REV1: variants seen among roughly 807,000 people sequenced by gnomAD.
REV1 encodes REV1 DNA directed polymerase.
A neutral mutation model predicts 137.4 loss-of-function variants in REV1; 42 were observed. The ratio of observed to expected loss-of-function variants is 0.31; its 90% CI spans 0.24 to 0.40. The LOEUF (loss-of-function observed/expected upper bound fraction) is 0.40. Among genes scored for constraint, REV1 ranks in the 10% least tolerant of loss-of-function variants. REV1 has a pLI of 1.00. For synonymous variants in REV1, 524 were observed against 519.2 expected, an observed-to-expected ratio of 1.01 and a Z score of -0.12; for missense variants, 1,282 against 1,490.1, an observed-to-expected ratio of 0.86 and a Z score of 2.30.
rs1182089845 is a variant in REV1 at position 99,402,815 on chromosome 2, A to G, written c.3385-15T>C. ...GAGAGTTCTTCCTGTTAAGAAAACA[A>G]AGGATAAAATTGCTATATTCACACA... On this transcript the variant is annotated splice_polypyrimidine_tract_variant and intron_variant, in intron 20 of 22. Coordinates refer to ENST00000258428, the MANE Select transcript of REV1 (RefSeq NM_016316.4). 10 of 1,613,924 alleles carry G rather than the reference A, an allele frequency of 6.2e-6. No homozygotes were observed. Among genetic ancestry groups the G allele is most frequent in the East Asian group, 2.2e-5 (1 of 44,894 alleles).
At chr2:99,467,458 G>C (rs1256380157) in intron 1 of REV1, among the ~76,000 whole-genome samples, 2 of 152,100 alleles carry the variant, frequency 1.3e-5, no homozygotes, top group Non-Finnish European at 2.9e-5. Flanking sequence ...AAAATTACTA[G>C]CCAACATTCC....
At chr2:99,464,865 A>G in intron 2 of REV1, 57 bp downstream of exon 2, 1 of 1,505,230 alleles carries the variant, frequency 6.6e-7, no homozygotes, top group South Asian at 1.1e-5. Context: ...TTATAACAGA[A>G]GAATGAAAAA....
At position 99,404,520 on chromosome 2, in the gene REV1, A is replaced by G; in HGVS notation, c.2969T>C (p.Leu990Ser). 6.8e-6 allele frequency: 11 copies of G among 1,614,212 alleles called. No homozygotes were observed. The highest frequency in any genetic ancestry group is 9.3e-6 in the Non-Finnish European group (11 of 1,180,042). ...GILPQPVGTV[L>S]LQIPEPQESN... Reference sequence around the variant, plus strand: ...TTCTTGAGGTTCTGGTATTTGCAACAAGACTGTCCCAACTGGTTGTGGCAA... The same window carrying G: ...TTCTTGAGGTTCTGGTATTTGCAACGAGACTGTCCCAACTGGTTGTGGCAA... Residue 990 changes from leucine to serine, a missense_variant, in exon 18 of 23, where the codon TTG (leucine) becomes TCG (serine). This residue lies in a region of REV1 where 135 missense variants were observed against 123.3 expected (regional missense o/e 1.10). Transcript: ENST00000258428.
chr2:99,467,154 T>C (rs1684898357), intron 1 of REV1, among the ~76,000 whole-genome samples: 1 of 152,166 alleles, frequency 6.6e-6, no homozygotes, highest in African/African-American at 2.4e-5. Flanking sequence ...GATCCAGTTG[T>C]GTAACGTCTG....
chr2:99,429,751 C>CACTGGCCTGA, intron 9 of REV1, 89 bp downstream of exon 9: 2 of 808,206 alleles, frequency 2.5e-6, no homozygotes, highest in South Asian at 2.1e-5. Context: ...ACATTTAAAT[C>CACTGGCCTGA]CACTTCAAAA....
intron 10 of REV1, among the ~76,000 whole-genome samples, chr2:99,422,663 T>C (rs961186093): frequency 2.0e-5 from 3 of 152,162 alleles, no homozygotes; most frequent in Non-Finnish European, 2.9e-5. Flanking sequence ...GAAGCTGAGA[T>C]AGGATTTCCC....
At chr2:99,425,292 G>T (rs138883219) in intron 9 of REV1, among the ~76,000 whole-genome samples, 2 of 152,262 alleles carry the variant, frequency 1.3e-5, no homozygotes, top group East Asian at 3.9e-4. Context: ...CTCAGCAGTA[G>T]ATGCAAAATC....
chr2:99,451,482 A>T, intron 3 of REV1: 3 of 1,304,168 alleles, frequency 2.3e-6, no homozygotes, highest in Non-Finnish European at 3.0e-6. Flanking sequence ...TTCAGTGTGA[A>T]GTGAAGCATG....
intron 9 of REV1, among the ~76,000 whole-genome samples, chr2:99,428,876 C>T (rs1679736470): frequency 6.6e-6 from 1 of 151,646 alleles, no homozygotes; most frequent in Non-Finnish European, 1.5e-5. Flanking sequence ...CCTGTAGTCC[C>T]AGCTACTCGG....
At chr2:99,450,063 T>C (rs1682746631) in intron 3 of REV1, among the ~76,000 whole-genome samples, 3 of 152,094 alleles carry the variant, frequency 2.0e-5, no homozygotes, top group Non-Finnish European at 1.5e-5. Context: ...CTTAATCAAA[T>C]AGTAAATATT....
chr2:99,424,858 A>T (rs1477662232), intron 9 of REV1: 3 of 1,304,048 alleles, frequency 2.3e-6, no homozygotes, highest in Admixed American at 4.6e-5. Context: ...ATGGTAGGAC[A>T]TCACTCTGGG....
rs28382873 is a variant in REV1 at position 99,441,525 on chromosome 2, G to C, written c.503+792C>G. 7.4e-3 allele frequency among the ~76,000 whole-genome samples: 1,110 copies of C among 150,744 alleles called. 14 individuals carry two copies. The highest frequency in any genetic ancestry group is 0.025 in the African/African-American group (1,042 of 41,170). On this transcript the variant is annotated intron_variant, in intron 5 of 22. Coordinates refer to ENST00000258428, the MANE Select transcript of REV1 (RefSeq NM_016316.4). The stretch of plus-strand genomic sequence containing the variant: ...GATTCACTTTCAATTCTATAACCAA[G>C]GGTCACCAACTAAACTTCCATTTAT...
intron 9 of REV1, among the ~76,000 whole-genome samples, chr2:99,425,843 C>G (rs1158704650): frequency 2.0e-5 from 3 of 151,736 alleles, no homozygotes; most frequent in East Asian, 3.9e-4. Context: ...TCGAGACCAC[C>G]CTGACCAGCA....
chr2:99,461,178 G>T, intron 3 of REV1, among the ~76,000 whole-genome samples: 1 of 152,136 alleles, frequency 6.6e-6, no homozygotes, highest in East Asian at 1.9e-4. Context: ...GACATTCTTG[G>T]ACTAAATTCA....
chr2:99,472,789 G>C (rs1050973219), intron 1 of REV1, among the ~76,000 whole-genome samples: 1 of 152,222 alleles, frequency 6.6e-6, no homozygotes, highest in African/African-American at 2.4e-5. Flanking sequence ...TAAAGTGCTA[G>C]CACGCATGCC....
At chr2:99,448,593 T>G (rs780074565) in intron 4 of REV1, among the ~76,000 whole-genome samples, 1 of 152,218 alleles carries the variant, frequency 6.6e-6, no homozygotes, top group African/African-American at 2.4e-5. Context: ...TCTTGATGTA[T>G]TACCATGCTA....
intron 6 of REV1, among the ~76,000 whole-genome samples, chr2:99,437,696 C>T (rs537275966): frequency 6.6e-6 from 1 of 152,228 alleles, no homozygotes; most frequent in East Asian, 1.9e-4. Context: ...ACTAATTAAT[C>T]ATAGTTCTTA....
At position 99,462,076 on chromosome 2, in the gene REV1, T is replaced by C. The variant is rs1684278286; in HGVS notation, c.181+420A>G. Among the ~76,000 whole-genome samples, 4 of 152,124 alleles carry C rather than the reference T, an allele frequency of 2.6e-5. No homozygotes were observed. The South Asian group carries it at 8.3e-4, about 32-fold the overall frequency. ...CGACCCAAATGCTGGCAGTTTACACTCTTCTACAGACAAGAGAGTAAAAGA... is the reference window on the plus strand; with the variant it reads ...CGACCCAAATGCTGGCAGTTTACACCCTTCTACAGACAAGAGAGTAAAAGA... On this transcript the variant is annotated intron_variant, in intron 3 of 22. Coordinates refer to ENST00000258428, the MANE Select transcript of REV1 (RefSeq NM_016316.4).
chr2:99,424,361 C>A, intron 9 of REV1, 81 bp from the exon 10 acceptor site: 1 of 1,357,930 alleles, frequency 7.4e-7, no homozygotes, highest in South Asian at 1.4e-5. Flanking sequence ...TGATATCTCC[C>A]CATGCCACTA....
Sources: gnomAD v4.1 joint callset for allele counts (sites outside exome capture counted in the v4.1 genomes callset) on GRCh38, gnomAD v4.1.1 for gene constraint, gnomAD v4.1.1 regional missense constraint, MANE v1.5 for transcripts, NCBI Gene and HGNC (gene_info 2026-07-23, HGNC 2026-07-21) for gene names.